ADORA1: variants seen among roughly 807,000 people sequenced by gnomAD.
ADORA1 encodes adenosine receptor A1.
A neutral mutation model predicts 19.9 loss-of-function variants in ADORA1; 6 were observed. The observed-to-expected ratio is 0.30, with a 90% CI of 0.17 to 0.59. ADORA1 has a LOEUF of 0.59. Ranked by LOEUF, ADORA1 falls within the 20% of genes least tolerant of loss-of-function variation. The pLI is 0.87. For synonymous variants in ADORA1, 194 were observed against 188.4 expected (o/e 1.03, Z -0.24); for missense variants, 302 against 439.2 (o/e 0.69, Z 2.79).
chr1:203,145,908 G>A (rs1195371953), intron 3 of ADORA1, among the ~76,000 whole-genome samples: 5 of 152,184 alleles, frequency 3.3e-5, no homozygotes, highest in African/African-American at 9.7e-5. Flanking sequence ...TGGCAAACCC[G>A]GCCTTGGGGA....
intron 3 of ADORA1, among the ~76,000 whole-genome samples, chr1:203,160,147 C>A (rs894936396): frequency 7.9e-5 from 12 of 152,200 alleles, no homozygotes; most frequent in African/African-American, 2.9e-4. Context: ...AATTCTTTTC[C>A]TGCTTTTTCC....
Position 203,165,574 on chromosome 1 carries a change from T to G in ADORA1, c.655T>G (p.Ser219Ala). Reference protein sequence around the residue: ...KQLNKKVSASSGDPQKYYGKE... With the variant: ...KQLNKKVSASAGDPQKYYGKE... ...GCTCAACAAGAAGGTGTCGGCCTCC[T>G]CCGGCGACCCGCAGAAGTACTATGG... Residue 219 changes from serine to alanine, a missense_variant, in exon 4 of 4, where the codon TCC (serine) becomes GCC (alanine). Transcript: ENST00000337894. The surrounding 1 kb of genome is among the most constrained non-coding windows in gnomAD (Gnocchi z 5.9). 1 of 1,613,968 alleles carries G rather than the reference T, an allele frequency of 6.2e-7. No homozygotes were observed. The highest frequency in any genetic ancestry group is 2.2e-5 in the East Asian group (1 of 44,864).
At chr1:203,155,320 G>A (rs971759864) in intron 3 of ADORA1, among the ~76,000 whole-genome samples, 2 of 152,150 alleles carry the variant, frequency 1.3e-5, no homozygotes, top group Non-Finnish European at 2.9e-5. Context: ...GGGATTACAG[G>A]CATGAGCCAC....
chr1:203,148,262 T>G (rs780566223), intron 3 of ADORA1, among the ~76,000 whole-genome samples: 3 of 152,180 alleles, frequency 2.0e-5, no homozygotes, highest in Non-Finnish European at 2.9e-5. Context: ...GCAGCTGGCC[T>G]AGGTTGCAAT....
At position 203,128,882 on chromosome 1, in the gene ADORA1, G is replaced by T. The variant is rs1032621076; in HGVS notation, c.41G>T (p.Gly14Val). The change falls in exon 3 of 4, where the codon GGC (glycine) becomes GTC (valine). Residue 14 changes from glycine (G) to valine (V), a missense_variant. Coordinates refer to ENST00000337894, the MANE Select transcript of ADORA1 (RefSeq NM_000674.3). The surrounding 1 kb of genome is among the most constrained non-coding windows in gnomAD (Gnocchi z 5.9). ...SISAFQAAYI[G>V]IEVLIALVSV... The stretch of plus-strand genomic sequence containing the variant: ...TCAGCTTTCCAGGCCGCCTACATCG[G>T]CATCGAGGTGCTCATCGCCCTGGTC... The T allele has an allele frequency of 6.2e-7, 1 of 1,611,038 alleles. No individual in the cohort carries two copies. Among genetic ancestry groups the T allele is most frequent in the Admixed American group, 1.7e-5 (1 of 59,984 alleles).
intron 3 of ADORA1, among the ~76,000 whole-genome samples, chr1:203,158,961 A>G (rs1183375740): frequency 6.6e-6 from 1 of 152,244 alleles, no homozygotes; most frequent in Admixed American, 6.5e-5. Flanking sequence ...TCAAGAGGGC[A>G]GAGCTCTCAG....
At chr1:203,141,529 A>G (rs1050293882) in intron 3 of ADORA1, among the ~76,000 whole-genome samples, 1 of 147,816 alleles carries the variant, frequency 6.8e-6, no homozygotes, top group Non-Finnish European at 1.5e-5. Flanking sequence ...TCTTGGGGGC[A>G]GGAGAGGGGA....
At chr1:203,160,300 G>C (rs999087563) in intron 3 of ADORA1, among the ~76,000 whole-genome samples, 1 of 152,150 alleles carries the variant, frequency 6.6e-6, no homozygotes, top group Admixed American at 6.6e-5. Flanking sequence ...GATTTTTTCA[G>C]ATTTTGGAAT....
At chr1:203,154,277 C>A (rs1395929736) in intron 3 of ADORA1, among the ~76,000 whole-genome samples, 2 of 152,196 alleles carry the variant, frequency 1.3e-5, no homozygotes, top group Non-Finnish European at 2.9e-5. Context: ...CTCACTCGTA[C>A]CTATACCTCT....
chr1:203,133,005 C>T (rs1654389987), intron 3 of ADORA1, among the ~76,000 whole-genome samples: 1 of 152,012 alleles, frequency 6.6e-6, no homozygotes, highest in Non-Finnish European at 1.5e-5. Context: ...TGTTTTAGCT[C>T]CTAGTGAGTG....
chr1:203,131,460 G>A (rs948962549), intron 3 of ADORA1, among the ~76,000 whole-genome samples: 16 of 152,182 alleles, frequency 1.1e-4, no homozygotes, highest in Non-Finnish European at 1.9e-4. Context: ...AACGTTGATT[G>A]AATTGGCCAG....
chr1:203,162,401 C>T lies in ADORA1; in HGVS notation c.342-2860C>T, dbSNP rs555934219. Among the ~76,000 whole-genome samples the T allele has an allele frequency of 3.9e-5, 6 of 152,080 alleles. No homozygotes were observed. The South Asian group carries it at 1.2e-3, about 32-fold the overall frequency. On this transcript the variant is annotated intron_variant, in intron 3 of 3. Coordinates refer to ENST00000337894, the MANE Select transcript of ADORA1 (RefSeq NM_000674.3). ...GGTGAGGAGAGAAGAGGGGAGGGAC[C>T]CACTTCTGTAGCTAGAAGTCTCCTC...
Position 203,128,233 on chromosome 1 carries a change from G to C in ADORA1, c.-212-45G>C. The C allele has an allele frequency of 2.9e-6, 3 of 1,024,948 alleles. No homozygotes were observed. The highest frequency in any genetic ancestry group is 3.8e-6 in the Non-Finnish European group (3 of 780,044). 63.5% of individuals were successfully genotyped at this position (1,024,948 alleles called of 1,614,324 possible). A position where few individuals can be genotyped will look rare whatever the true frequency, so the allele number is the denominator to read the frequency against. ...AAACAGGGGCGCTACCTCTTTAAAA[G>C]CGTCCGGGGCTGAGTCTCTGCCGTA... On this transcript the variant is annotated intron_variant, in intron 1 of 3. Transcript: ENST00000337894. The surrounding 1 kb of genome is among the most constrained non-coding windows in gnomAD (Gnocchi z 5.9).
In ADORA1 at chr1:203,165,324, C is replaced by T. The variant is rs1402264783; in HGVS notation, c.405C>T (p.Ser135=). The change falls in exon 4 of 4, where the codon TCC becomes TCT. Residue 135 remains serine (S), a synonymous_variant. Coordinates refer to ENST00000337894, the MANE Select transcript of ADORA1 (RefSeq NM_000674.3). This position sits in a 1 kb window ranked among gnomAD's most constrained non-coding sequence, Gnocchi z 5.9. ...CCATAGCCGGCTGCTGGATCCTCTC[C>T]TTCGTGGTGGGACTGACCCCTATGT... The part of the protein sequence containing the change: ...AVAIAGCWIL[S]FVVGLTPMFG... 1 of 1,571,294 alleles carries T rather than the reference C, an allele frequency of 6.4e-7. No homozygotes were observed. Among genetic ancestry groups the T allele is most frequent in the Non-Finnish European group, 8.6e-7 (1 of 1,158,366 alleles).
chr1:203,139,356 G>T lies in ADORA1; in HGVS notation c.341+10174G>T, dbSNP rs1319384438. Among the ~76,000 whole-genome samples the T allele has an allele frequency of 2.2e-4, 33 of 152,200 alleles. 1 individual carries two copies. The highest frequency in any genetic ancestry group is 2.2e-3 in the Admixed American group (33 of 15,286). On this transcript the variant is annotated intron_variant, in intron 3 of 3. Coordinates refer to ENST00000337894, the MANE Select transcript of ADORA1 (RefSeq NM_000674.3). ...ATGCTGGTAGGTGAAGCTCTCTCCT[G>T]ATTCTTCCCATTTTCGTAGTGAATT...
intron 3 of ADORA1, among the ~76,000 whole-genome samples, chr1:203,139,655 G>A (rs1171121744): frequency 3.3e-5 from 5 of 152,220 alleles, no homozygotes; most frequent in Non-Finnish European, 7.3e-5. Context: ...AACTCAGAAT[G>A]GCAGATTCAT....
At position 203,165,774 on chromosome 1, in the gene ADORA1, C is replaced by T; in HGVS notation, c.855C>T (p.Pro285=). The T allele has an allele frequency of 6.8e-6, 11 of 1,614,016 alleles. No individual in the cohort carries two copies. Among genetic ancestry groups the T allele is most frequent in the Non-Finnish European group, 9.3e-6 (11 of 1,179,912 alleles). Residue 285 remains proline (P), a synonymous_variant, in exon 4 of 4, where the codon CCC becomes CCT. Coordinates refer to ENST00000337894, the MANE Select transcript of ADORA1 (RefSeq NM_000674.3). The surrounding 1 kb of genome is among the most constrained non-coding windows in gnomAD (Gnocchi z 5.9). ...CGCACGGCAACTCGGCCATGAACCC[C>T]ATTGTCTATGCCTTCCGCATCCAGA... ...FLTHGNSAMN[P]IVYAFRIQKF... is the part of the protein sequence containing the mutation.
At chr1:203,156,883 A>G (rs1273403501) in intron 3 of ADORA1, among the ~76,000 whole-genome samples, 1 of 152,228 alleles carries the variant, frequency 6.6e-6, no homozygotes, top group Admixed American at 6.5e-5. Context: ...CTGTGGTAAC[A>G]AAACTAATCC....
intron 3 of ADORA1, among the ~76,000 whole-genome samples, chr1:203,160,530 G>A (rs957889001): frequency 6.6e-6 from 1 of 152,178 alleles, no homozygotes; most frequent in African/African-American, 2.4e-5. Flanking sequence ...TCAGTGCCTA[G>A]GGCTGGGCGC....
Sources: allele counts gnomAD v4.1 joint callset (sites outside exome capture counted in the v4.1 genomes callset), GRCh38; gene constraint gnomAD v4.1.1; non-coding constraint Gnocchi (gnomAD v3.1); transcripts MANE v1.5; gene names NCBI Gene and HGNC (gene_info 2026-07-23, HGNC 2026-07-21).